The following SUZ12 variants were observed in gnomAD, a reference collection of about 807,000 sequenced individuals.
SUZ12 encodes the protein SUZ12 polycomb repressive complex 2 subunit, also known as polycomb protein SUZ12.
SUZ12 carries 17 observed loss-of-function variants against 87.3 expected under a neutral mutation model. That is an observed-to-expected ratio of 0.19 (90% CI 0.13 to 0.29). The LOEUF is 0.29. SUZ12 is among the 10% of genes least tolerant of loss of function. The pLI is 1.00. For synonymous variants in SUZ12, 253 were observed against 312.4 expected (o/e 0.81, Z 2.01); for missense variants, 526 against 912.2 (o/e 0.58, Z 5.45).
At chr17:31,973,582 G>T (rs922961895) in intron 6 of SUZ12, among the ~76,000 whole-genome samples, 1 of 152,334 alleles carries the variant, frequency 6.6e-6, no homozygotes, top group East Asian at 1.9e-4. Context: ...GGCTAAGAGA[G>T]AGTTTTTTCC....
At chr17:31,962,281 A>G (rs57252852) in intron 4 of SUZ12, among the ~76,000 whole-genome samples, 26,816 of 150,776 alleles carry the variant, frequency 0.18, no homozygotes, top group African/African-American at 0.32. Flanking sequence ...AAAAGAAAAA[A>G]AAAATAATTG....
intron 1 of SUZ12, among the ~76,000 whole-genome samples, chr17:31,940,038 T>A (rs1906179821): frequency 6.6e-6 from 1 of 152,186 alleles, no homozygotes; most frequent in Non-Finnish European, 1.5e-5. Flanking sequence ...TAGAAAGGCT[T>A]AAGAAAAATA....
chr17:31,951,932 G>A (rs1467027132), intron 4 of SUZ12, among the ~76,000 whole-genome samples: 1 of 151,346 alleles, frequency 6.6e-6, no homozygotes. Flanking sequence ...GCCCTACCAC[G>A]TCCAACTAAT....
In SUZ12 at chr17:31,988,337, A is replaced by T; in HGVS notation, c.1041A>T (p.Glu347Asp). The T allele has an allele frequency of 6.4e-7, 1 of 1,568,350 alleles. No individual in the cohort carries two copies. The highest frequency in any genetic ancestry group is 2.0e-5 in the Admixed American group (1 of 49,052). Reference protein sequence around the residue: ...ILDGKRLPPFETFSQGPTLQF... With the variant: ...ILDGKRLPPFDTFSQGPTLQF... ...TTTTTTAGAGGCTGCCTCCATTCGAAACATTTTCTCAGGGACCTACGTTGC... is the reference window on the plus strand; with the variant it reads ...TTTTTTAGAGGCTGCCTCCATTCGATACATTTTCTCAGGGACCTACGTTGC... Residue 347 changes from glutamate to aspartate, a missense_variant, in exon 10 of 16, where the codon GAA (glutamate) becomes GAT (aspartate). This residue lies in a region of SUZ12 where 10 missense variants were observed against 50.9 expected (regional missense o/e 0.20). Coordinates refer to ENST00000322652, the MANE Select transcript of SUZ12 (RefSeq NM_015355.4).
chr17:31,937,533 G>A lies in SUZ12; in HGVS notation c.274+13G>A, dbSNP rs1176191634. Reference sequence around the variant, plus strand: ...CAGGCCTTTGAGAGTGAGTGTGTGCGAGGCTTTGAGGGCAGGAAGACCCAC... The same window carrying A: ...CAGGCCTTTGAGAGTGAGTGTGTGCAAGGCTTTGAGGGCAGGAAGACCCAC... On this transcript the variant is annotated intron_variant, in intron 1 of 15. Coordinates refer to ENST00000322652, the MANE Select transcript of SUZ12 (RefSeq NM_015355.4). 3 of 1,535,042 alleles carry A rather than the reference G, an allele frequency of 2.0e-6. No individual in the cohort carries two copies. The highest frequency in any genetic ancestry group is 3.9e-5 in the Admixed American group (2 of 50,734).
chr17:31,956,424 C>G (rs144893614), intron 4 of SUZ12, among the ~76,000 whole-genome samples: 1 of 152,138 alleles, frequency 6.6e-6, no homozygotes, highest in South Asian at 2.1e-4. Flanking sequence ...GATCTGACCT[C>G]GTGATCGGCC....
At chr17:31,982,437 G>A (rs1183040988) in intron 8 of SUZ12, among the ~76,000 whole-genome samples, 1 of 152,184 alleles carries the variant, frequency 6.6e-6, no homozygotes, top group Non-Finnish European at 1.5e-5. Context: ...CAAGATGGGT[G>A]GATCACGAGG....
intron 3 of SUZ12, among the ~76,000 whole-genome samples, chr17:31,943,988 G>C (rs1301678942): frequency 3.3e-5 from 5 of 151,996 alleles, no homozygotes; most frequent in Admixed American, 6.6e-5. Context: ...GAGCCACCGT[G>C]CCTGGCCATC....
chr17:31,969,491 C>G (rs1908289876), intron 5 of SUZ12, among the ~76,000 whole-genome samples: 3 of 151,748 alleles, frequency 2.0e-5, no homozygotes, highest in Admixed American at 2.0e-4. Context: ...GATTTCATTT[C>G]ACCATGTTTG....
chr17:31,978,074 G>A (rs1365384781), intron 8 of SUZ12, among the ~76,000 whole-genome samples: 3 of 152,140 alleles, frequency 2.0e-5, no homozygotes, highest in Non-Finnish European at 4.4e-5. Context: ...TTCTTTTTGG[G>A]ATTGGAGAAA....
rs902709797 is a variant in SUZ12 at position 32,000,710 on chromosome 17, T to C, written c.*1707T>C. 7 of 232,106 alleles carry C rather than the reference T, an allele frequency of 3.0e-5. No homozygotes were observed. Among genetic ancestry groups the C allele is most frequent in the Non-Finnish European group, 6.0e-5 (7 of 117,260 alleles). 14.4% of individuals were successfully genotyped at this position (232,106 alleles called of 1,614,324 possible). ...GCTTATGTCATTTCTTAAGCAGTTATGCTCTTAATGCTTAAAAGAAGGCTA... is the reference window on the plus strand; with the variant it reads ...GCTTATGTCATTTCTTAAGCAGTTACGCTCTTAATGCTTAAAAGAAGGCTA... On this transcript the variant is annotated 3_prime_UTR_variant, in exon 16 of 16. Transcript: ENST00000322652.
chr17:31,960,236 G>C lies in SUZ12; in HGVS notation c.456-5911G>C, dbSNP rs558048743. ...TGTTTACTTTTTTTTTTTGAGACGG[G>C]GTCTCGCTCTGTTGCCCAGGTTGGA... is the stretch of plus-strand genomic sequence containing the variant. On this transcript the variant is annotated intron_variant, in intron 4 of 15. Transcript: ENST00000322652. 4.2e-4 allele frequency among the ~76,000 whole-genome samples: 63 copies of C among 151,768 alleles called. No individual in the cohort carries two copies. The South Asian group carries it at 0.013, about 31-fold the overall frequency.
chr17:31,977,715 C>T (rs1253610279), intron 8 of SUZ12, among the ~76,000 whole-genome samples: 1 of 152,058 alleles, frequency 6.6e-6, no homozygotes, highest in Non-Finnish European at 1.5e-5. Context: ...ATGGCGAAAC[C>T]CTGTCTCTAC....
At chr17:31,950,433 C>T (rs1366135153) in intron 4 of SUZ12, among the ~76,000 whole-genome samples, 1 of 151,974 alleles carries the variant, frequency 6.6e-6, no homozygotes, top group East Asian at 1.9e-4. Flanking sequence ...ACCTATAATC[C>T]CAGCATTTTG....
chr17:31,943,975 C>T (rs1360776695), intron 3 of SUZ12, among the ~76,000 whole-genome samples: 1 of 151,866 alleles, frequency 6.6e-6, no homozygotes, highest in Non-Finnish European at 1.5e-5. Flanking sequence ...GGATTACAGT[C>T]GTGAGCCACC....
intron 3 of SUZ12, among the ~76,000 whole-genome samples, chr17:31,941,194 T>C (rs1447748294): frequency 1.3e-5 from 2 of 149,300 alleles, no homozygotes; most frequent in African/African-American, 2.5e-5. Flanking sequence ...CTCCGCCTCC[T>C]GGGTTCATGC....
intron 10 of SUZ12, among the ~76,000 whole-genome samples, chr17:31,989,200 G>C (rs1397365800): frequency 6.6e-6 from 1 of 152,104 alleles, no homozygotes; most frequent in African/African-American, 2.4e-5. Flanking sequence ...TGGGATTACA[G>C]GTGAGAGCCA....
At chr17:31,976,953 C>T (rs1178063705) in intron 8 of SUZ12, among the ~76,000 whole-genome samples, 1 of 152,056 alleles carries the variant, frequency 6.6e-6, no homozygotes, top group South Asian at 2.1e-4. Context: ...GACCACCACC[C>T]AAAAAATCAA....
At position 32,000,897 on chromosome 17, in the gene SUZ12, AGAAATCCTGTAAGATGATAAAGCATTT is replaced by A. The variant is rs1190087976; in HGVS notation, c.*1898_*1924del. The stretch of plus-strand genomic sequence containing the variant: ...ATGTACCCTTGATAACAGATTTTGA[AGAAATCCTGTAAGATGATAAAGCATTT>A]GAATGGTACAGTAGATGTAAAAAAA... On this transcript the variant is annotated 3_prime_UTR_variant, in exon 16 of 16. Transcript: ENST00000322652. The A allele has an allele frequency of 4.5e-6, 1 of 222,452 alleles. No individual in the cohort carries two copies. The highest frequency in any genetic ancestry group is 2.2e-5 in the African/African-American group (1 of 44,788). 13.8% of individuals were successfully genotyped at this position (222,452 alleles called of 1,614,324 possible).
Sources: gnomAD v4.1 joint callset for allele counts (sites outside exome capture counted in the v4.1 genomes callset) on GRCh38, gnomAD v4.1.1 for gene constraint, gnomAD v4.1.1 regional missense constraint, MANE v1.5 for transcripts, NCBI Gene and HGNC (gene_info 2026-07-23, HGNC 2026-07-21) for gene names.